TLK1: variants seen among roughly 807,000 people sequenced by gnomAD.
TLK1 encodes the protein tousled like kinase 1.
A neutral mutation model predicts 105.3 loss-of-function variants in TLK1; 24 were observed. The ratio of observed to expected loss-of-function variants is 0.23; its 90% CI spans 0.17 to 0.32. The LOEUF is 0.32. Ranked by LOEUF, TLK1 falls within the 10% of genes least tolerant of loss-of-function variation. The pLI, the probability that TLK1 is intolerant of heterozygous loss-of-function variation, is 1.00. For missense variants in TLK1, 558 were observed against 910.5 expected (o/e 0.61, Z 4.98); for synonymous variants, 321 against 310.4 (o/e 1.03, Z -0.36).
intron 14 of TLK1, among the ~76,000 whole-genome samples, chr2:171,010,625 C>CAA (rs77995237): frequency 0.19 from 17,776 of 94,090 alleles, 2,099 homozygotes; most frequent in African/African-American, 0.4. Flanking sequence ...ACATAAAGTA[C>CAA]AAAAAAAAAA....
intron 2 of TLK1, among the ~76,000 whole-genome samples, chr2:171,102,279 CCTT>C (rs1286552518): frequency 7.9e-5 from 12 of 152,158 alleles, no homozygotes; most frequent in African/African-American, 2.9e-4. Context: ...CACAGTTTCT[CCTT>C]CTTTCTGAGA....
intron 13 of TLK1, among the ~76,000 whole-genome samples, chr2:171,013,012 A>AT (rs71008744): frequency 0.59 from 86,724 of 147,856 alleles, 27,066 homozygotes; most frequent in East Asian, 0.95. Context: ...GCTCTATTAG[A>AT]TTTTTTTTTT....
intron 2 of TLK1, among the ~76,000 whole-genome samples, chr2:171,105,862 C>T (rs55869271): frequency 0.063 from 9,517 of 152,020 alleles, 379 homozygotes; most frequent in South Asian, 0.1. Context: ...ACTGGGTATA[C>T]ACAAAGGAAA....
chr2:171,011,225 T>C, intron 14 of TLK1, 148 bp downstream of exon 14: 2 of 574,202 alleles, frequency 3.5e-6, no homozygotes, highest in Non-Finnish European at 5.6e-6. Context: ...GGTCTCAAAC[T>C]CCTGGCCTCA....
chr2:171,190,412 T>C (rs1693122359), intron 1 of TLK1, among the ~76,000 whole-genome samples: 1 of 152,118 alleles, frequency 6.6e-6, no homozygotes, highest in Admixed American at 6.5e-5. Flanking sequence ...GTTAAATGAG[T>C]GTCTTCAATT....
At chr2:171,102,991 C>A (rs1252266329) in intron 2 of TLK1, among the ~76,000 whole-genome samples, 1 of 151,998 alleles carries the variant, frequency 6.6e-6, no homozygotes, top group East Asian at 1.9e-4. Context: ...AAAGGTATTA[C>A]CTTACATACA....
intron 3 of TLK1, among the ~76,000 whole-genome samples, chr2:171,067,428 TGG>T (rs1688053227): frequency 6.6e-6 from 1 of 152,116 alleles, no homozygotes; most frequent in African/African-American, 2.4e-5. Context: ...CCCAAAGTGC[TGG>T]GACTACAGGC....
At chr2:171,222,628 G>A (rs11687843) in intron 1 of TLK1, among the ~76,000 whole-genome samples, 104,047 of 151,986 alleles carry the variant, frequency 0.68, 36,803 homozygotes, top group Middle Eastern at 0.83. Flanking sequence ...CTACATAATA[G>A]TTTACATATT....
intron 3 of TLK1, among the ~76,000 whole-genome samples, chr2:171,082,377 GA>G (rs1243095637): frequency 6.6e-6 from 1 of 151,502 alleles, no homozygotes; most frequent in Non-Finnish European, 1.5e-5. Flanking sequence ...TAAAAAGAGG[GA>G]AAAAATGTGT....
intron 11 of TLK1, among the ~76,000 whole-genome samples, chr2:171,040,559 TCC>T (rs1382055402): frequency 1.8e-4 from 24 of 131,456 alleles, no homozygotes; most frequent in African/African-American, 6.6e-4. Context: ...CAAAATATAT[TCC>T]TTTTTTGTTT....
chr2:171,191,335 A>G (rs13385068), intron 1 of TLK1, among the ~76,000 whole-genome samples: 79,048 of 151,484 alleles, frequency 0.52, 21,359 homozygotes, highest in African/African-American at 0.67. Flanking sequence ...TTGAGAGGCC[A>G]AGGTGGAAGT....
At chr2:171,095,713 A>G (rs1689424599) in intron 2 of TLK1, among the ~76,000 whole-genome samples, 1 of 152,202 alleles carries the variant, frequency 6.6e-6, no homozygotes, top group Non-Finnish European at 1.5e-5. Flanking sequence ...CACCACATTA[A>G]CAGAATGAAG....
intron 1 of TLK1, among the ~76,000 whole-genome samples, chr2:171,183,527 T>A (rs1461945637): frequency 6.6e-6 from 1 of 152,160 alleles, no homozygotes; most frequent in East Asian, 1.9e-4. Flanking sequence ...CTTCATTGAT[T>A]TTTTGATACT....
chr2:171,178,247 G>A (rs557705936), intron 1 of TLK1, among the ~76,000 whole-genome samples: 1 of 152,264 alleles, frequency 6.6e-6, no homozygotes, highest in East Asian at 1.9e-4. Context: ...AGAGGGATTA[G>A]GGAGCTTGTC....
intron 2 of TLK1, among the ~76,000 whole-genome samples, chr2:171,103,539 A>C (rs1356892631): frequency 4.0e-5 from 6 of 151,864 alleles, no homozygotes. Flanking sequence ...ACCGCTCTTG[A>C]CCTCAAATTT....
At chr2:171,079,946 A>G (rs1688674288) in intron 3 of TLK1, among the ~76,000 whole-genome samples, 1 of 152,200 alleles carries the variant, frequency 6.6e-6, no homozygotes, top group Admixed American at 6.5e-5. Context: ...ACAATAGGGT[A>G]TGCATATTAA....
intron 1 of TLK1, among the ~76,000 whole-genome samples, chr2:171,129,880 C>CATAACATAACATAAT (rs1553481551): frequency 2.0e-5 from 3 of 150,846 alleles, no homozygotes; most frequent in Admixed American, 6.6e-5. Flanking sequence ...CATAACATAA[C>CATAACATAACATAAT]ATAACATGGG....
At chr2:171,116,301 A>C (rs1202824708) in intron 2 of TLK1, among the ~76,000 whole-genome samples, 1 of 152,258 alleles carries the variant, frequency 6.6e-6, no homozygotes. Flanking sequence ...ATATACATGA[A>C]ACATGAGAAA....
chr2:171,133,356 G>A (rs796293165), intron 1 of TLK1, among the ~76,000 whole-genome samples: 6 of 152,298 alleles, frequency 3.9e-5, no homozygotes, highest in African/African-American at 1.2e-4. Flanking sequence ...CAGCACTTTG[G>A]AAGGCTGAGG....
Sources: allele counts gnomAD v4.1 joint callset (sites outside exome capture counted in the v4.1 genomes callset), GRCh38; gene constraint gnomAD v4.1.1; transcripts MANE v1.5; gene names NCBI Gene and HGNC (gene_info 2026-07-23, HGNC 2026-07-21).